The following NEO1 variants were observed in gnomAD, a reference collection of about 807,000 sequenced individuals.
NEO1 encodes neogenin 1.
NEO1 carries 63 observed loss-of-function variants against 159.7 expected under a neutral mutation model. The observed-to-expected ratio is 0.39, with a 90% CI of 0.32 to 0.49. NEO1 has a LOEUF of 0.49. Ranked by LOEUF, NEO1 falls within the 20% of genes least tolerant of loss-of-function variation. The probability of loss-of-function intolerance (pLI) is 0.85; values close to 1 mark genes in which losing one functional copy is unlikely to be tolerated. For missense variants in NEO1, 1,615 were observed against 1,831.0 expected (o/e 0.88, Z 2.15); for synonymous variants, 633 against 662.0 (o/e 0.96, Z 0.67).
At chr15:73,278,251 T>C (rs1047764021) in intron 22 of NEO1, 52 bp downstream of exon 22, 2 of 1,551,582 alleles carry the variant, frequency 1.3e-6, no homozygotes, top group African/African-American at 2.7e-5. Context: ...GAAGCACTTT[T>C]GCTTAAATTT....
chr15:73,178,514 C>G, intron 7 of NEO1, 87 bp downstream of exon 7: 1 of 1,474,552 alleles, frequency 6.8e-7, no homozygotes, highest in South Asian at 1.3e-5. Flanking sequence ...TGATTGATAA[C>G]CCATTAGTAA....
At chr15:73,222,471 A>T (rs2150766791) in intron 7 of NEO1, among the ~76,000 whole-genome samples, 1 of 152,052 alleles carries the variant, frequency 6.6e-6, no homozygotes, top group Non-Finnish European at 1.5e-5. Context: ...CTAATTCCTG[A>T]TTAAAGCTAG....
chr15:73,066,607 C>T (rs1397191681), intron 1 of NEO1, among the ~76,000 whole-genome samples: 2 of 152,124 alleles, frequency 1.3e-5, no homozygotes, highest in African/African-American at 2.4e-5. Flanking sequence ...TAACAGTCTC[C>T]TACCACATTA....
chr15:73,116,417 A>G (rs200130005), intron 1 of NEO1, 123 bp from the exon 2 acceptor site: 1 of 359,284 alleles, frequency 2.8e-6, no homozygotes. Flanking sequence ...TGAGATGACT[A>G]TATTTATGTG....
intron 5 of NEO1, 145 bp downstream of exon 5, chr15:73,136,172 T>C (rs534602572): frequency 1.8e-6 from 1 of 543,470 alleles, no homozygotes; most frequent in East Asian, 3.3e-5. Context: ...GTTTAAATTC[T>C]AAATCTTATA....
intron 1 of NEO1, among the ~76,000 whole-genome samples, chr15:73,109,442 A>G (rs1370756721): frequency 1.3e-5 from 2 of 152,212 alleles, no homozygotes; most frequent in Admixed American, 6.5e-5. Context: ...GCCTTACTTT[A>G]CTGTCCCATA....
chr15:73,266,227 C>G, intron 15 of NEO1, 89 bp from the exon 16 acceptor site: 1 of 957,148 alleles, frequency 1.0e-6, no homozygotes, highest in Non-Finnish European at 1.5e-6. Flanking sequence ...TTCTTGAATT[C>G]TTCTGTGGTT....
At chr15:73,249,455 A>G in intron 10 of NEO1, 128 bp from the exon 11 acceptor site, 4 of 1,097,272 alleles carry the variant, frequency 3.6e-6, no homozygotes, top group Non-Finnish European at 5.1e-6. Context: ...TTGACTATTG[A>G]AGAACCTTAT....
intron 1 of NEO1, among the ~76,000 whole-genome samples, chr15:73,079,983 G>T (rs1402440978): frequency 5.9e-5 from 9 of 152,182 alleles, no homozygotes; most frequent in Non-Finnish European, 1.2e-4. Context: ...AGTTGTTTGA[G>T]AATTGTTTTT....
intron 1 of NEO1, among the ~76,000 whole-genome samples, chr15:73,068,986 A>G (rs1043803813): frequency 1.2e-4 from 18 of 145,256 alleles, no homozygotes; most frequent in African/African-American, 4.6e-4. Flanking sequence ...ACAGGGTCTC[A>G]CTCTCACCTA....
At chr15:73,061,817 A>G (rs1376203328) in intron 1 of NEO1, among the ~76,000 whole-genome samples, 2 of 152,204 alleles carry the variant, frequency 1.3e-5, no homozygotes, top group African/African-American at 4.8e-5. Flanking sequence ...TGCTGTGCAC[A>G]CTGACTTTTA....
intron 16 of NEO1, 75 bp downstream of exon 16, chr15:73,266,486 C>A: frequency 9.5e-7 from 1 of 1,053,784 alleles, no homozygotes; most frequent in South Asian, 2.2e-5. Flanking sequence ...TGAGGCCTAT[C>A]CCATAGGTGT....
Position 73,284,497 on chromosome 15 carries a change from A to G in NEO1, c.3410+1386A>G, listed in dbSNP as rs977778552. Among the ~76,000 whole-genome samples, 4 of 151,580 alleles carry G rather than the reference A, an allele frequency of 2.6e-5. No individual in the cohort carries two copies. In the East Asian group the frequency reaches 7.7e-4, roughly 29 times the overall value. On this transcript the variant is annotated intron_variant, in intron 23 of 28. Coordinates refer to ENST00000261908, the MANE Select transcript of NEO1 (RefSeq NM_002499.4). ...TTTTGCCCAAATGAAATAGCTTTCCATAGCTTGTACTGTATCACTTTTCCA... is the reference window on the plus strand; with the variant it reads ...TTTTGCCCAAATGAAATAGCTTTCCGTAGCTTGTACTGTATCACTTTTCCA...
At chr15:73,140,269 A>G (rs62016849) in intron 5 of NEO1, among the ~76,000 whole-genome samples, 46,757 of 152,076 alleles carry the variant, frequency 0.31, 8,608 homozygotes, top group Admixed American at 0.44. Context: ...TAAAAACTGT[A>G]CACTGGCTAG....
chr15:73,159,102 A>AT (rs1282391842), intron 5 of NEO1, among the ~76,000 whole-genome samples: 1 of 152,014 alleles, frequency 6.6e-6, no homozygotes, highest in Non-Finnish European at 1.5e-5. Context: ...TGTCTCAAAA[A>AT]TTTTTTTAAA....
At chr15:73,251,418 T>C (rs906802333) in intron 11 of NEO1, among the ~76,000 whole-genome samples, 1 of 148,034 alleles carries the variant, frequency 6.8e-6, no homozygotes, top group African/African-American at 2.5e-5. Flanking sequence ...GAGGCTGAGG[T>C]GGGAGGGTCA....
intron 1 of NEO1, among the ~76,000 whole-genome samples, chr15:73,079,304 T>A (rs1486550177): frequency 6.6e-6 from 1 of 152,236 alleles, no homozygotes; most frequent in Admixed American, 6.5e-5. Flanking sequence ...AGGCAATTTC[T>A]AGAAATCTTT....
intron 2 of NEO1, among the ~76,000 whole-genome samples, chr15:73,117,739 A>G (rs758101257): frequency 6.6e-6 from 1 of 152,140 alleles, no homozygotes; most frequent in Admixed American, 6.6e-5. Context: ...TTTGGGGACA[A>G]ATACTCAAAG....
intron 1 of NEO1, among the ~76,000 whole-genome samples, chr15:73,094,456 A>C (rs528077997): frequency 5.9e-5 from 9 of 152,352 alleles, no homozygotes; most frequent in African/African-American, 1.9e-4. Context: ...ATGTTATATA[A>C]TCATTAGTTG....
Sources: allele counts gnomAD v4.1 joint callset (sites outside exome capture counted in the v4.1 genomes callset), GRCh38; gene constraint gnomAD v4.1.1; transcripts MANE v1.5; gene names NCBI Gene and HGNC (gene_info 2026-07-23, HGNC 2026-07-21).